Variants in HS3ST5 observed in about 807,000 individuals in gnomAD.
HS3ST5 encodes heparan sulfate-glucosamine 3-sulfotransferase 5.
In HS3ST5, 10 loss-of-function variants were observed where a neutral mutation model predicts 25.4. The ratio of observed to expected loss-of-function variants is 0.39; its 90% CI spans 0.24 to 0.67. The LOEUF (loss-of-function observed/expected upper bound fraction) is 0.67. Among genes scored for constraint, HS3ST5 ranks in the 30% least tolerant of loss-of-function variants. The pLI is 0.44. For synonymous variants in HS3ST5, 170 were observed against 162.4 expected (o/e 1.05, Z -0.36); for missense variants, 324 against 420.7 (o/e 0.77, Z 2.01).
At chr6:114,214,127 A>T (rs1251759573) in intron 2 of HS3ST5, among the ~76,000 whole-genome samples, 15 of 152,222 alleles carry the variant, frequency 9.9e-5, no homozygotes, top group Admixed American at 6.5e-5. Context: ...TTTCTCAAAC[A>T]TCCAAAGATA....
At chr6:114,078,677 G>T (rs1774282498) in intron 3 of HS3ST5, among the ~76,000 whole-genome samples, 1 of 152,190 alleles carries the variant, frequency 6.6e-6, no homozygotes. Flanking sequence ...AGTCTACCTA[G>T]CACCTATAAC....
chr6:114,111,819 T>A (rs1776281142), intron 3 of HS3ST5, among the ~76,000 whole-genome samples: 1 of 152,122 alleles, frequency 6.6e-6, no homozygotes, highest in Non-Finnish European at 1.5e-5. Flanking sequence ...AACCTTGCCA[T>A]CTCCAACAAC....
chr6:114,242,494 T>C (rs1443525042), intron 1 of HS3ST5, among the ~76,000 whole-genome samples: 1 of 152,172 alleles, frequency 6.6e-6, no homozygotes, highest in African/African-American at 2.4e-5. Context: ...AGGAGGATAC[T>C]CAAGAAAAAT....
chr6:114,205,387 A>G (rs895362039), intron 2 of HS3ST5, among the ~76,000 whole-genome samples: 13 of 152,282 alleles, frequency 8.5e-5, no homozygotes, highest in African/African-American at 3.1e-4. Context: ...ACCAAATGGA[A>G]GAGAGGCATA....
rs77059672 is a variant in HS3ST5, at chr6:114,168,105, A to T, written c.-33+246T>A. 6.8e-3 allele frequency among the ~76,000 whole-genome samples: 1,041 copies of T among 152,282 alleles called. 11 individuals carry two copies. Among genetic ancestry groups the T allele is most frequent in the African/African-American group, 0.024 (997 of 41,548 alleles). On this transcript the variant is annotated intron_variant, in intron 3 of 4. Transcript: ENST00000312719. ...AAGAAAATCAATAAAAAAAATTTTT[A>T]AAAAAGAATCCATTTCATTGACGGG... is the stretch of plus-strand genomic sequence containing the variant.
chr6:114,163,593 C>T (rs7761798), intron 3 of HS3ST5, among the ~76,000 whole-genome samples: 12,074 of 151,986 alleles, frequency 0.079, 561 homozygotes, highest in African/African-American at 0.12. Context: ...TGTCTTTGAA[C>T]GTTAAACCTC....
At chr6:114,154,251 T>A (rs2114967547) in intron 3 of HS3ST5, among the ~76,000 whole-genome samples, 1 of 152,320 alleles carries the variant, frequency 6.6e-6, no homozygotes, top group African/African-American at 2.4e-5. Flanking sequence ...GCTGCCTGCC[T>A]CAGTGGGAAG....
At chr6:114,075,352 G>A (rs1774061784) in intron 3 of HS3ST5, among the ~76,000 whole-genome samples, 1 of 152,180 alleles carries the variant, frequency 6.6e-6, no homozygotes, top group East Asian at 1.9e-4. Flanking sequence ...CCACCTTGAA[G>A]AGTCCTTGCC....
In HS3ST5 at chr6:114,125,332, AG is replaced by A. The variant is rs1175210257; in HGVS notation, c.-33+43018del. Among the ~76,000 whole-genome samples, 7 of 152,340 alleles carry A rather than the reference AG, an allele frequency of 4.6e-5. No homozygotes were observed. The East Asian group carries it at 1.3e-3, about 29-fold the overall frequency. On this transcript the variant is annotated intron_variant, in intron 3 of 4. Coordinates refer to ENST00000312719, the MANE Select transcript of HS3ST5 (RefSeq NM_153612.4). ...AAGGCTTAAAATTCAAAAGGTACATAGTAAAGGTCACTTAAAAATGTTTGAA... is the reference window on the plus strand; with the variant it reads ...AAGGCTTAAAATTCAAAAGGTACATATAAAGGTCACTTAAAAATGTTTGAA...
At chr6:114,294,001 A>G (rs1171790803) in intron 1 of HS3ST5, among the ~76,000 whole-genome samples, 1 of 152,216 alleles carries the variant, frequency 6.6e-6, no homozygotes, top group Admixed American at 6.5e-5. Flanking sequence ...GCATGACACA[A>G]AGTTATGGAG....
intron 1 of HS3ST5, among the ~76,000 whole-genome samples, chr6:114,319,323 T>C (rs539909406): frequency 1.2e-4 from 19 of 152,306 alleles, no homozygotes; most frequent in South Asian, 8.3e-4. Context: ...CTGGGAATGA[T>C]TCTACAGACA....
chr6:114,215,328 A>G (rs1326274337), intron 2 of HS3ST5, among the ~76,000 whole-genome samples: 1 of 151,872 alleles, frequency 6.6e-6, no homozygotes, highest in Admixed American at 6.6e-5. Flanking sequence ...ACAAACAAGA[A>G]ACAACAGCAA....
intron 3 of HS3ST5, among the ~76,000 whole-genome samples, chr6:114,130,540 TCAGCCTGGGAAATA>T (rs1285524080): frequency 6.6e-6 from 1 of 152,050 alleles, no homozygotes; most frequent in Non-Finnish European, 1.5e-5. Flanking sequence ...GAGTTTGAGA[TCAGCCTGGGAAATA>T]CAGACCCTGT....
chr6:114,205,567 C>T (rs968767871), intron 2 of HS3ST5, among the ~76,000 whole-genome samples: 1 of 152,166 alleles, frequency 6.6e-6, no homozygotes, highest in African/African-American at 2.4e-5. Context: ...GATCATTGGT[C>T]ATTGATGATT....
chr6:114,134,565 G>A (rs1484663677), intron 3 of HS3ST5, among the ~76,000 whole-genome samples: 1 of 152,190 alleles, frequency 6.6e-6, no homozygotes, highest in Non-Finnish European at 1.5e-5. Flanking sequence ...TAGCTCAGTT[G>A]TTCTCAGCCT....
At chr6:114,172,447 G>A (rs1036571678) in intron 2 of HS3ST5, among the ~76,000 whole-genome samples, 3 of 152,094 alleles carry the variant, frequency 2.0e-5, no homozygotes, top group Admixed American at 1.3e-4. Context: ...AAACATTATC[G>A]TAACTCTGGA....
intron 3 of HS3ST5, among the ~76,000 whole-genome samples, chr6:114,135,733 G>T (rs777417754): frequency 6.6e-6 from 1 of 152,218 alleles, no homozygotes; most frequent in South Asian, 2.1e-4. Context: ...TCTTGCACAT[G>T]CCAGGCATAG....
At chr6:114,260,049 A>C (rs1330632575) in intron 1 of HS3ST5, among the ~76,000 whole-genome samples, 1 of 152,212 alleles carries the variant, frequency 6.6e-6, no homozygotes, top group Non-Finnish European at 1.5e-5. Context: ...TTAATAATCC[A>C]AAATGCCACA....
At chr6:114,278,383 T>G (rs958528252) in intron 1 of HS3ST5, among the ~76,000 whole-genome samples, 1 of 152,008 alleles carries the variant, frequency 6.6e-6, no homozygotes, top group African/African-American at 2.4e-5. Flanking sequence ...CTTGCAAATT[T>G]AACAATTCTT....
Sources: gnomAD v4.1 joint callset for allele counts (sites outside exome capture counted in the v4.1 genomes callset) on GRCh38, gnomAD v4.1.1 for gene constraint, MANE v1.5 for transcripts, NCBI Gene and HGNC (gene_info 2026-07-23, HGNC 2026-07-21) for gene names.